SKAP2: variants seen among roughly 807,000 people sequenced by gnomAD.
SKAP2 encodes src kinase associated phosphoprotein 2.
A neutral mutation model predicts 54.9 loss-of-function variants in SKAP2; 28 were observed. That is an observed-to-expected ratio of 0.51 (90% confidence interval 0.38 to 0.70). SKAP2 has a LOEUF of 0.70. Among genes scored for constraint, SKAP2 ranks in the 30% least tolerant of loss-of-function variants. The pLI is 0.00. For synonymous variants in SKAP2, 137 were observed against 134.3 expected (o/e 1.02, Z -0.14); for missense variants, 356 against 424.1 (o/e 0.84, Z 1.41).
intron 4 of SKAP2, among the ~76,000 whole-genome samples, chr7:26,767,994 T>C (rs1783100054): frequency 6.6e-6 from 1 of 152,224 alleles, no homozygotes; most frequent in African/African-American, 2.4e-5. Flanking sequence ...GGTTCAGAGC[T>C]GAGTTCAAGT....
chr7:26,707,419 C>T (rs1787187961), intron 9 of SKAP2, among the ~76,000 whole-genome samples: 1 of 151,860 alleles, frequency 6.6e-6, no homozygotes, highest in African/African-American at 2.4e-5. Flanking sequence ...ACATAGGAGA[C>T]AGGATATTAG....
chr7:26,768,922 T>G (rs1346789875), intron 4 of SKAP2, among the ~76,000 whole-genome samples: 1 of 152,148 alleles, frequency 6.6e-6, no homozygotes. Context: ...GTGAATCTGA[T>G]GATTATGGGT....
At chr7:26,717,833 A>G (rs974015515) in intron 9 of SKAP2, among the ~76,000 whole-genome samples, 1 of 151,080 alleles carries the variant, frequency 6.6e-6, no homozygotes, top group Non-Finnish European at 1.5e-5. Context: ...CCCTGTCTCA[A>G]AAAAAATAAA....
intron 4 of SKAP2, among the ~76,000 whole-genome samples, chr7:26,807,355 G>T (rs1037889833): frequency 2.6e-5 from 4 of 152,100 alleles, no homozygotes; most frequent in African/African-American, 9.7e-5. Context: ...GGGAAGTGGG[G>T]GTTCCCCATG....
In SKAP2 at chr7:26,725,545, GAAT is replaced by G; in HGVS notation, c.676_678del (p.Ile226del). 6.2e-7 allele frequency: 1 copy of G among 1,604,266 alleles called. No homozygotes were observed. Among genetic ancestry groups the G allele is most frequent in the Non-Finnish European group, 8.5e-7 (1 of 1,175,722 alleles). On this transcript the variant is annotated inframe_deletion, in exon 9 of 13. Coordinates refer to ENST00000345317, the MANE Select transcript of SKAP2 (RefSeq NM_003930.5). ...TCTCCTCTCTCATCATAATCCTCAG[GAAT>G]AATATCAGATTCCATATCTATAAAA...
At position 26,684,753 on chromosome 7, in the gene SKAP2, T is replaced by C; in HGVS notation, c.970A>G (p.Ile324Val). ...DELSFKRGDV[I>V]YILSKEYNRY... ...CTTCTTACCTTGCTAAGAATGTAAATCACATCACCACGCTTAAATGACAAC... is the reference window on the plus strand; with the variant it reads ...CTTCTTACCTTGCTAAGAATGTAAACCACATCACCACGCTTAAATGACAAC... Residue 324 changes from isoleucine to valine, a missense_variant, in exon 11 of 13, where the codon ATT becomes GTT. Physicochemically the swap from Ile to Val is conservative, Grantham distance 29. Transcript: ENST00000345317. 6.2e-7 allele frequency: 1 copy of C among 1,609,202 alleles called. No individual in the cohort carries two copies.
intron 4 of SKAP2, among the ~76,000 whole-genome samples, chr7:26,818,237 G>T (rs1045512465): frequency 3.3e-5 from 5 of 152,084 alleles, no homozygotes; most frequent in African/African-American, 9.7e-5. Context: ...TACCAAAACA[G>T]ATACATAGAC....
At chr7:26,809,691 A>G (rs566358710) in intron 4 of SKAP2, among the ~76,000 whole-genome samples, 7 of 152,204 alleles carry the variant, frequency 4.6e-5, no homozygotes, top group Admixed American at 1.3e-4. Flanking sequence ...GGAAAACAGT[A>G]TGGAGCTTCC....
At chr7:26,802,999 C>T (rs1248131556) in intron 4 of SKAP2, among the ~76,000 whole-genome samples, 2 of 152,086 alleles carry the variant, frequency 1.3e-5, no homozygotes, top group African/African-American at 4.8e-5. Context: ...AATCTAAAGC[C>T]TCAAACTATG....
chr7:26,727,055 T>C, intron 6 of SKAP2, 49 bp from the exon 7 acceptor site: 1 of 1,403,458 alleles, frequency 7.1e-7, no homozygotes, highest in Non-Finnish European at 9.6e-7. Context: ...GTATTAATGC[T>C]CAATTATCTT....
chr7:26,687,527 G>C (rs1032227209), intron 10 of SKAP2, among the ~76,000 whole-genome samples: 1 of 151,822 alleles, frequency 6.6e-6, no homozygotes. Flanking sequence ...AGAAAAAATC[G>C]TAAGTAGGGG....
intron 9 of SKAP2, among the ~76,000 whole-genome samples, chr7:26,712,887 G>T (rs765004741): frequency 1.3e-5 from 2 of 152,152 alleles, no homozygotes; most frequent in Non-Finnish European, 2.9e-5. Context: ...AGAGAAAAAG[G>T]TCTCTTCCAA....
downstream of SKAP2, among the ~76,000 whole-genome samples, chr7:26,665,690 T>C (rs1786094484): frequency 6.6e-6 from 1 of 152,144 alleles, no homozygotes; most frequent in Admixed American, 6.6e-5. Context: ...GATCATATGA[T>C]TTTTAAAGTA....
At chr7:26,658,741 T>C in the SKAP2 span, among the ~76,000 whole-genome samples, 1 of 152,040 alleles carries the variant, frequency 6.6e-6, no homozygotes, top group Non-Finnish European at 1.5e-5. Context: ...CCATATTAAA[T>C]AGTCATTAGG....
chr7:26,730,995 C>A (rs1369922946), intron 6 of SKAP2, among the ~76,000 whole-genome samples: 1 of 152,136 alleles, frequency 6.6e-6, no homozygotes, highest in African/African-American at 2.4e-5. Flanking sequence ...ATATTCCCAG[C>A]ACTGATGGGA....
intron 9 of SKAP2, among the ~76,000 whole-genome samples, chr7:26,714,159 C>T (rs1227135834): frequency 6.6e-6 from 1 of 152,064 alleles, no homozygotes; most frequent in African/African-American, 2.4e-5. Context: ...GGGAGCTCTT[C>T]CAAGAATTTG....
chr7:26,822,372 C>A lies in SKAP2; in HGVS notation c.307+21658G>T, dbSNP rs1024858877. Among the ~76,000 whole-genome samples, 9 of 152,168 alleles carry A rather than the reference C, an allele frequency of 5.9e-5. No homozygotes were observed. In the South Asian group the frequency reaches 1.7e-3, roughly 28 times the overall value. On this transcript the variant is annotated intron_variant, in intron 4 of 12. Transcript: ENST00000345317. ...TCAAATTTTTTCATTATTATTATATCTGTTATGGTGATCTATAATCAGTGA... is the reference window on the plus strand; with the variant it reads ...TCAAATTTTTTCATTATTATTATATATGTTATGGTGATCTATAATCAGTGA...
At chr7:26,720,793 A>G (rs1562586924) in intron 9 of SKAP2, among the ~76,000 whole-genome samples, 1 of 152,150 alleles carries the variant, frequency 6.6e-6, no homozygotes, top group Non-Finnish European at 1.5e-5. Flanking sequence ...ACTCACTATC[A>G]CGAGAACTGG....
chr7:26,777,770 G>A (rs528250298), intron 4 of SKAP2, among the ~76,000 whole-genome samples: 72 of 152,036 alleles, frequency 4.7e-4, no homozygotes, highest in Non-Finnish European at 1.2e-4. Flanking sequence ...GATACTTCTA[G>A]GGAGGAGTAA....
Sources: allele counts gnomAD v4.1 joint callset (sites outside exome capture counted in the v4.1 genomes callset), GRCh38; gene constraint gnomAD v4.1.1; transcripts MANE v1.5; gene names NCBI Gene and HGNC (gene_info 2026-07-23, HGNC 2026-07-21).